Variants in ADCY1 observed in about 807,000 individuals in gnomAD.
ADCY1 encodes the protein adenylate cyclase 1.
A neutral mutation model predicts 105.4 loss-of-function variants in ADCY1; 28 were observed. That is an observed-to-expected ratio of 0.27 (90% confidence interval 0.20 to 0.36). The LOEUF (loss-of-function observed/expected upper bound fraction) is 0.36. Among genes scored for constraint, ADCY1 ranks in the 10% least tolerant of loss-of-function variants. The pLI is 1.00. For synonymous variants in ADCY1, 655 were observed against 623.8 expected (o/e 1.05, Z -0.75); for missense variants, 977 against 1,434.2 (o/e 0.68, Z 5.15).
At chr7:45,660,305 A>T (rs1475269629) in intron 7 of ADCY1, 122 bp downstream of exon 7, 2 of 1,382,300 alleles carry the variant, frequency 1.4e-6, no homozygotes, top group Non-Finnish European at 2.0e-6. Flanking sequence ...TGAACTTGCT[A>T]AGATGGGGAG....
At position 45,662,181 on chromosome 7, in the gene ADCY1, C is replaced by T. The variant is rs1182076519; in HGVS notation, c.1572C>T (p.Phe524=). ...AAATGTTCAAGGCCGAGATCCCCTT[C>T]TCCAATGTCATGACCTGCGAGGACG... is the stretch of plus-strand genomic sequence containing the variant. The part of the protein sequence containing the change: ...CRKMFKAEIP[F]SNVMTCEDDD... The change falls in exon 8 of 20, where the codon TTC becomes TTT. Residue 524 remains phenylalanine (F), a synonymous_variant. Transcript: ENST00000297323. 1.2e-5 allele frequency: 20 copies of T among 1,613,932 alleles called. No homozygotes were observed. Among genetic ancestry groups the T allele is most frequent in the Non-Finnish European group, 1.4e-5 (17 of 1,179,948 alleles).
Position 45,722,898 on chromosome 7 carries a change from A to G in ADCY1, c.*8903A>G, listed in dbSNP as rs1283035738. The G allele has an allele frequency of 1.3e-5, 2 of 152,616 alleles. No homozygotes were observed. Among genetic ancestry groups the G allele is most frequent in the Admixed American group, 1.3e-4 (2 of 15,274 alleles). 9.5% of individuals were successfully genotyped at this position (152,616 alleles called of 1,614,324 possible). A position where few individuals can be genotyped will look rare whatever the true frequency, so the allele number is the denominator to read the frequency against. ...TCAATACGGGTCTATTTTTATGTCAACTGAACACTGTAGGGTACCTTCCAG... is the reference window on the plus strand; with the variant it reads ...TCAATACGGGTCTATTTTTATGTCAGCTGAACACTGTAGGGTACCTTCCAG... On this transcript the variant is annotated 3_prime_UTR_variant, in exon 20 of 20. Coordinates refer to ENST00000297323, the MANE Select transcript of ADCY1 (RefSeq NM_021116.4).
At chr7:45,603,602 A>G (rs372743412) in intron 2 of ADCY1, among the ~76,000 whole-genome samples, 3 of 152,308 alleles carry the variant, frequency 2.0e-5, no homozygotes, top group East Asian at 3.9e-4. Flanking sequence ...CTGTGGTACA[A>G]TATCACAACT....
At chr7:45,635,825 T>C (rs1481350617) in intron 4 of ADCY1, among the ~76,000 whole-genome samples, 1 of 152,036 alleles carries the variant, frequency 6.6e-6, no homozygotes, top group Non-Finnish European at 1.5e-5. Flanking sequence ...TAAGAGTGTG[T>C]TCAGTAAGTA....
At position 45,686,035 on chromosome 7, in the gene ADCY1, G is replaced by T; in HGVS notation, c.2147G>T (p.Arg716Leu). ...SLVVLSSGGQRTALPTLPCES... is the reference protein window; with the variant it reads ...SLVVLSSGGQLTALPTLPCES... ...GTGGTCCTTTCGTCTGGGGGCCAGCGCACAGCCCTGCCCACCCTGCCCTGC... is the reference window on the plus strand; with the variant it reads ...GTGGTCCTTTCGTCTGGGGGCCAGCTCACAGCCCTGCCCACCCTGCCCTGC... Residue 716 changes from arginine (R) to leucine (L), a missense_variant, in exon 13 of 20, where the codon CGC (arginine) becomes CTC (leucine). Arg to Leu is a moderately radical substitution (Grantham distance 102). Coordinates refer to ENST00000297323, the MANE Select transcript of ADCY1 (RefSeq NM_021116.4). The surrounding 1 kb of genome is among the most constrained non-coding windows in gnomAD (Gnocchi z 4.3). 1 of 1,613,886 alleles carries T rather than the reference G, an allele frequency of 6.2e-7. No homozygotes were observed. The highest frequency in any genetic ancestry group is 8.5e-7 in the Non-Finnish European group (1 of 1,179,950).
intron 17 of ADCY1, among the ~76,000 whole-genome samples, chr7:45,705,565 G>C (rs1166301137): frequency 6.6e-6 from 1 of 152,058 alleles, no homozygotes; most frequent in Non-Finnish European, 1.5e-5. Flanking sequence ...GGCAATAGAA[G>C]ACAACACCTC....
chr7:45,610,881 A>AGGTGATGGTGGAGGTGTGG (rs1793552884), intron 3 of ADCY1, among the ~76,000 whole-genome samples: 1 of 13,526 alleles, frequency 7.4e-5, no homozygotes, highest in African/African-American at 3.0e-4. Flanking sequence ...TGGAGGTGGG[A>AGGTGATGGTGGAGGTGTGG]AGGTGATGGT....
chr7:45,691,195 CA>C (rs1474931079), intron 14 of ADCY1, among the ~76,000 whole-genome samples: 1 of 152,204 alleles, frequency 6.6e-6, no homozygotes, highest in Non-Finnish European at 1.5e-5. Context: ...TAGCAATGCC[CA>C]ATGAGCATAC....
At chr7:45,669,305 G>T (rs1784321445) in intron 8 of ADCY1, among the ~76,000 whole-genome samples, 1 of 152,206 alleles carries the variant, frequency 6.6e-6, no homozygotes, top group South Asian at 2.1e-4. Flanking sequence ...CTTTAAATGT[G>T]TCCCAGAGAT....
intron 17 of ADCY1, among the ~76,000 whole-genome samples, chr7:45,707,140 G>T (rs902245184): frequency 1.3e-5 from 2 of 152,218 alleles, no homozygotes; most frequent in Non-Finnish European, 2.9e-5. Flanking sequence ...GTGGGAGAGA[G>T]TTTGGTGGTT....
intron 4 of ADCY1, among the ~76,000 whole-genome samples, chr7:45,624,983 A>G (rs1490942593): frequency 6.6e-6 from 1 of 152,218 alleles, no homozygotes; most frequent in Non-Finnish European, 1.5e-5. Context: ...GTCCTGCTGT[A>G]GACTCCCTGT....
chr7:45,670,846 G>A lies in ADCY1; in HGVS notation c.1606-7023G>A, dbSNP rs763857144. Among the ~76,000 whole-genome samples, 88 of 152,138 alleles carry A rather than the reference G, an allele frequency of 5.8e-4. 2 individuals are homozygous for A. The highest frequency in any genetic ancestry group is 6.3e-4 in the Non-Finnish European group (43 of 68,028). ...TCTGCCCCGACTTAAGGCTGGACAT[G>A]TGTCCATCAGCCCTGACCTCAAGGT... On this transcript the variant is annotated intron_variant, in intron 8 of 19. Coordinates refer to ENST00000297323, the MANE Select transcript of ADCY1 (RefSeq NM_021116.4).
chr7:45,674,091 T>TA (rs777399186), intron 8 of ADCY1, among the ~76,000 whole-genome samples: 3 of 150,504 alleles, frequency 2.0e-5, no homozygotes, highest in Non-Finnish European at 3.0e-5. Flanking sequence ...ATTTTCCTGT[T>TA]ATCTAACTGT....
chr7:45,582,188 C>T (rs1188375084), intron 1 of ADCY1, among the ~76,000 whole-genome samples: 1 of 152,228 alleles, frequency 6.6e-6, no homozygotes, highest in African/African-American at 2.4e-5. Context: ...TCATGCTCAC[C>T]TACACTCACT....
At chr7:45,675,300 C>T (rs1033371863) in intron 8 of ADCY1, among the ~76,000 whole-genome samples, 1 of 152,116 alleles carries the variant, frequency 6.6e-6, no homozygotes, top group Non-Finnish European at 1.5e-5. Flanking sequence ...AACTTTACCT[C>T]TTTTTCAGTC....
intron 2 of ADCY1, among the ~76,000 whole-genome samples, chr7:45,608,898 A>G (rs1793453482): frequency 6.6e-6 from 1 of 152,062 alleles, no homozygotes; most frequent in Non-Finnish European, 1.5e-5. Flanking sequence ...TGTTTAGGAC[A>G]CACCTCCAGG....
At chr7:45,697,561 T>G (rs986748575) in intron 14 of ADCY1, among the ~76,000 whole-genome samples, 2 of 152,156 alleles carry the variant, frequency 1.3e-5, no homozygotes, top group Admixed American at 6.5e-5. Context: ...CGGCTAATTT[T>G]GTATTTTTAG....
At chr7:45,597,951 CCCT>C (rs1281307410) in intron 2 of ADCY1, among the ~76,000 whole-genome samples, 1 of 152,028 alleles carries the variant, frequency 6.6e-6, no homozygotes, top group Non-Finnish European at 1.5e-5. Context: ...CTAAAATGAC[CCCT>C]CCTCTCAACA....
chr7:45,706,646 G>A lies in ADCY1; in HGVS notation c.2818-1704G>A, dbSNP rs185196423. The stretch of plus-strand genomic sequence containing the variant: ...AAAAATCTAGATGACCTTCAGTTTG[G>A]CAATGACTTTTTAAATACAATACCA... On this transcript the variant is annotated intron_variant, in intron 17 of 19. Transcript: ENST00000297323. 4.6e-3 allele frequency among the ~76,000 whole-genome samples: 701 copies of A among 152,130 alleles called. 5 individuals are homozygous for A. The highest frequency in any genetic ancestry group is 0.016 in the African/African-American group (667 of 41,514).
Sources: gnomAD v4.1 joint callset for allele counts (sites outside exome capture counted in the v4.1 genomes callset) on GRCh38, gnomAD v4.1.1 for gene constraint, Gnocchi (gnomAD v3.1) non-coding constraint, MANE v1.5 for transcripts, NCBI Gene and HGNC (gene_info 2026-07-23, HGNC 2026-07-21) for gene names.